The following JMJD1C variants were observed in gnomAD, a reference collection of about 807,000 sequenced individuals.
JMJD1C encodes the protein jumonji domain-containing protein 1C.
Under a neutral mutation model 245.3 loss-of-function variants are expected in JMJD1C, and 31 were observed. The ratio of observed to expected loss-of-function variants is 0.13; its 90% CI spans 0.09 to 0.17. The LOEUF (loss-of-function observed/expected upper bound fraction) is 0.17. Ranked by LOEUF, JMJD1C falls within the 10% of genes least tolerant of loss-of-function variation. The pLI is 1.00. For synonymous variants in JMJD1C, 1,057 were observed against 1,017.4 expected (o/e 1.04, Z -0.74); for missense variants, 2,691 against 3,000.2 (o/e 0.90, Z 2.41).
chr10:63,331,858 T>A (rs550893827), intron 2 of JMJD1C, among the ~76,000 whole-genome samples: 54 of 152,072 alleles, frequency 3.6e-4, no homozygotes, highest in Non-Finnish European at 6.5e-4. Context: ...GACCCTCAAG[T>A]GATCCCTTGC....
In JMJD1C at chr10:63,214,935, C is replaced by A; in HGVS notation, c.1232G>T (p.Gly411Val). ...ATTATTATGGGGTTTTCCTTCTTCT[C>A]CATTTATTTTTGAAGTATTTTTATT... is the stretch of plus-strand genomic sequence containing the variant. ...LKNKNTSKIN[G>V]EEGKPHNNEK... The change falls in exon 8 of 26, where the codon GGA (glycine) becomes GTA (valine). Residue 411 changes from glycine (G) to valine (V), a missense_variant. By Grantham distance (109) the Gly-to-Val change is moderately radical (BLOSUM62 -3). Transcript: ENST00000399262. 6.2e-7 allele frequency: 1 copy of A among 1,604,812 alleles called. No individual in the cohort carries two copies. Among genetic ancestry groups the A allele is most frequent in the African/African-American group, 1.3e-5 (1 of 74,372 alleles).
At chr10:63,294,614 C>A (rs1859162601) in intron 2 of JMJD1C, among the ~76,000 whole-genome samples, 2 of 152,124 alleles carry the variant, frequency 1.3e-5, no homozygotes, top group South Asian at 4.1e-4. Context: ...TCAAACATAG[C>A]CTTGTCTATG....
intron 3 of JMJD1C, among the ~76,000 whole-genome samples, chr10:63,224,319 A>G (rs914770475): frequency 1.3e-5 from 2 of 151,750 alleles, no homozygotes; most frequent in African/African-American, 4.8e-5. Flanking sequence ...CTTATGTACA[A>G]AAATTAGCTT....
chr10:63,269,357 G>T, intron 2 of JMJD1C: 2 of 262,388 alleles, frequency 7.6e-6, no homozygotes, highest in Non-Finnish European at 1.2e-5. Context: ...TTTGGCTGCG[G>T]CCATAGAGAC....
intron 2 of JMJD1C, among the ~76,000 whole-genome samples, chr10:63,270,334 T>C (rs1856133634): frequency 6.6e-6 from 1 of 151,856 alleles, no homozygotes; most frequent in South Asian, 2.1e-4. Flanking sequence ...GCCCAGCTAA[T>C]TTTTGTATTT....
chr10:63,332,820 T>C (rs1376494974), intron 2 of JMJD1C, among the ~76,000 whole-genome samples: 2 of 152,250 alleles, frequency 1.3e-5, no homozygotes, highest in Non-Finnish European at 1.5e-5. Flanking sequence ...ATTTTTCAAC[T>C]AGCTGTATGA....
At chr10:63,430,464 T>TA (rs923990210) in intron 1 of JMJD1C, among the ~76,000 whole-genome samples, 5 of 152,320 alleles carry the variant, frequency 3.3e-5, no homozygotes, top group Non-Finnish European at 5.9e-5. Context: ...TTGAGAGCAT[T>TA]AAGTGAAAGA....
At chr10:63,511,496 G>A (rs1231116344) in intron 1 of JMJD1C, among the ~76,000 whole-genome samples, 3 of 152,194 alleles carry the variant, frequency 2.0e-5, no homozygotes, top group Non-Finnish European at 4.4e-5. Flanking sequence ...TGGATCACGA[G>A]GTCAGGAGTT....
intron 13 of JMJD1C, among the ~76,000 whole-genome samples, chr10:63,195,182 C>G (rs1023715238): frequency 6.6e-6 from 1 of 151,946 alleles, no homozygotes; most frequent in African/African-American, 2.4e-5. Flanking sequence ...GGTGAAACCC[C>G]ATTTTTACTA....
intron 2 of JMJD1C, among the ~76,000 whole-genome samples, chr10:63,321,108 C>T (rs1263548321): frequency 6.6e-6 from 1 of 152,234 alleles, no homozygotes; most frequent in Non-Finnish European, 1.5e-5. Flanking sequence ...GGGTGGCACA[C>T]ACAAACTCCA....
At chr10:63,441,621 C>T (rs952629782) in intron 1 of JMJD1C, among the ~76,000 whole-genome samples, 2 of 152,088 alleles carry the variant, frequency 1.3e-5, no homozygotes, top group African/African-American at 4.8e-5. Context: ...TTACTTAACG[C>T]CCTCTTCTCA....
At chr10:63,410,612 A>T (rs1949422923) in intron 1 of JMJD1C, among the ~76,000 whole-genome samples, 1 of 152,202 alleles carries the variant, frequency 6.6e-6, no homozygotes, top group Non-Finnish European at 1.5e-5. Context: ...ACTTTCCAGC[A>T]TACCTTATTA....
chr10:63,272,201 T>C (rs1338699071), intron 2 of JMJD1C, among the ~76,000 whole-genome samples: 1 of 152,236 alleles, frequency 6.6e-6, no homozygotes, highest in Admixed American at 6.5e-5. Flanking sequence ...GTGAGTAAAG[T>C]ATGGCTTTAT....
At chr10:63,464,935 G>C (rs1418597658) in intron 1 of JMJD1C, among the ~76,000 whole-genome samples, 1 of 152,156 alleles carries the variant, frequency 6.6e-6, no homozygotes, top group Admixed American at 6.5e-5. Flanking sequence ...GGATGAATCC[G>C]GGCACAGCCA....
rs775306924 is a variant in JMJD1C at position 63,380,461 on chromosome 10, G to T, written c.190C>A (p.Leu64Ile). 6.2e-7 allele frequency: 1 copy of T among 1,612,498 alleles called. No homozygotes were observed. Among genetic ancestry groups the T allele is most frequent in the South Asian group, 1.1e-5 (1 of 90,952 alleles). ...DLAVYVEFDDLEWDKREWVKV... is the reference protein window; with the variant it reads ...DLAVYVEFDDIEWDKREWVKV... The stretch of plus-strand genomic sequence containing the variant: ...ACCCACTCTCGTTTATCCCATTCAA[G>T]ATCATCAAATTCCACATACACCTAT... The change falls in exon 2 of 26, where the codon CTT becomes ATT. Residue 64 changes from leucine to isoleucine, a missense_variant. Leu to Ile is a conservative substitution (Grantham distance 5). This residue lies in a region of JMJD1C where 135 missense variants were observed against 115.5 expected (regional missense o/e 1.17). Coordinates refer to ENST00000399262, the MANE Select transcript of JMJD1C (RefSeq NM_032776.3).
At chr10:63,464,567 T>C (rs1358756859) in intron 1 of JMJD1C, among the ~76,000 whole-genome samples, 1 of 152,152 alleles carries the variant, frequency 6.6e-6, no homozygotes, top group Non-Finnish European at 1.5e-5. Flanking sequence ...TTGTCTCTAC[T>C]CCGCCCCTTA....
intron 2 of JMJD1C, among the ~76,000 whole-genome samples, chr10:63,345,405 T>G (rs755938411): frequency 6.6e-6 from 1 of 150,610 alleles, no homozygotes; most frequent in Non-Finnish European, 1.5e-5. Context: ...GAGAATCGCT[T>G]GAACCCAGGA....
chr10:63,292,360 C>T (rs1858878139), intron 2 of JMJD1C, among the ~76,000 whole-genome samples: 1 of 151,638 alleles, frequency 6.6e-6, no homozygotes, highest in Non-Finnish European at 1.5e-5. Flanking sequence ...GCCTGAAATC[C>T]CAACACTTTG....
chr10:63,513,575 C>A (rs1954932498), intron 1 of JMJD1C, among the ~76,000 whole-genome samples: 1 of 152,136 alleles, frequency 6.6e-6, no homozygotes, highest in African/African-American at 2.4e-5. Context: ...ACAAAGGTTT[C>A]ATATCCAGAA....
Sources: gnomAD v4.1 joint callset for allele counts (sites outside exome capture counted in the v4.1 genomes callset) on GRCh38, gnomAD v4.1.1 for gene constraint, gnomAD v4.1.1 regional missense constraint, MANE v1.5 for transcripts, NCBI Gene and HGNC (gene_info 2026-07-23, HGNC 2026-07-21) for gene names.